The following FMN1 variants were observed in gnomAD, a reference collection of about 807,000 sequenced individuals.
FMN1 encodes the protein formin 1.
Under a neutral mutation model 132.4 loss-of-function variants are expected in FMN1, and 110 were observed. That is an observed-to-expected ratio of 0.83 (90% CI 0.71 to 0.97). The LOEUF (loss-of-function observed/expected upper bound fraction) is 0.97, where lower values mean the gene tolerates loss of function less well. Ranked by LOEUF, FMN1 falls within the 50% of genes least tolerant of loss-of-function variation. The probability of loss-of-function intolerance (pLI) is 0.00; values close to 1 mark genes in which losing one functional copy is unlikely to be tolerated. For synonymous variants in FMN1, 722 were observed against 651.7 expected (o/e 1.11, Z -1.64); for missense variants, 1,792 against 1,705.3 (o/e 1.05, Z -0.90).
intron 4 of FMN1, among the ~76,000 whole-genome samples, chr15:33,111,209 C>T (rs1032097505): frequency 6.6e-6 from 1 of 152,018 alleles, no homozygotes; most frequent in Non-Finnish European, 1.5e-5. Context: ...TGCTTTCAAC[C>T]CTACACAAGT....
intron 6 of FMN1, among the ~76,000 whole-genome samples, chr15:33,028,024 C>T (rs2035761298): frequency 6.6e-6 from 1 of 152,190 alleles, no homozygotes. Context: ...AAAATTTCTC[C>T]ATGAGCCAGC....
At chr15:33,080,455 A>T (rs1311959960) in intron 5 of FMN1, among the ~76,000 whole-genome samples, 2 of 152,196 alleles carry the variant, frequency 1.3e-5, no homozygotes, top group Admixed American at 1.3e-4. Context: ...ATGTCTGCTT[A>T]AAAGTTCCAG....
chr15:32,909,098 C>T (rs769508647), intron 11 of FMN1, among the ~76,000 whole-genome samples: 20 of 152,254 alleles, frequency 1.3e-4, no homozygotes, highest in Middle Eastern at 3.4e-3. Context: ...TCAATTTATC[C>T]AACTATTTCA....
At chr15:33,131,917 T>A (rs888740059) in intron 4 of FMN1, among the ~76,000 whole-genome samples, 2 of 152,128 alleles carry the variant, frequency 1.3e-5, no homozygotes, top group Non-Finnish European at 2.9e-5. Flanking sequence ...ATAGCACGGA[T>A]CATTATTTTT....
At chr15:32,963,349 CG>C (rs1176700952) in intron 9 of FMN1, among the ~76,000 whole-genome samples, 1 of 18,794 alleles carries the variant, frequency 5.3e-5, no homozygotes, top group Non-Finnish European at 9.5e-5. Context: ...GTTGTGGGGT[CG>C]GGGGGGTGGG....
In FMN1 at chr15:33,159,248, C is replaced by T. The variant is rs183019819; in HGVS notation, c.-131-4203G>A. On this transcript the variant is annotated intron_variant, in intron 3 of 20. Transcript: ENST00000616417. ...AGGGTCTGGTGGTTAATTGGATATG[C>T]GTGACAGGAAAGAATTTGGTTTCAT... is the stretch of plus-strand genomic sequence containing the variant. Among the ~76,000 whole-genome samples the T allele has an allele frequency of 2.2e-3, 334 of 152,006 alleles. 2 individuals carry two copies. Among genetic ancestry groups the T allele is most frequent in the African/African-American group, 7.8e-3 (322 of 41,456 alleles).
At chr15:32,875,903 C>G (rs1292373924) in intron 16 of FMN1, among the ~76,000 whole-genome samples, 4 of 152,180 alleles carry the variant, frequency 2.6e-5, no homozygotes, top group Non-Finnish European at 4.4e-5. Flanking sequence ...AGTCAAGGAC[C>G]TGAGTTCTGT....
At chr15:33,045,003 G>T (rs950017694) in intron 6 of FMN1, among the ~76,000 whole-genome samples, 1 of 152,230 alleles carries the variant, frequency 6.6e-6, no homozygotes, top group African/African-American at 2.4e-5. Context: ...GTGACAAGGA[G>T]GAGAGAAAAG....
intron 9 of FMN1, among the ~76,000 whole-genome samples, chr15:32,955,795 A>G (rs1337037272): frequency 2.0e-5 from 3 of 147,172 alleles, no homozygotes; most frequent in Non-Finnish European, 4.4e-5. Flanking sequence ...GATTTTAAAG[A>G]TGTGTGTGCG....
chr15:32,880,814 C>T lies in FMN1; in HGVS notation c.3835+7358G>A, dbSNP rs72717702. Among the ~76,000 whole-genome samples, 526 of 152,304 alleles carry T rather than the reference C, an allele frequency of 3.5e-3. 2 individuals are homozygous for T. The highest frequency in any genetic ancestry group is 9.0e-3 in the Admixed American group (138 of 15,294). On this transcript the variant is annotated intron_variant, in intron 16 of 20. Transcript: ENST00000616417. Reference sequence around the variant, plus strand: ...TCTGTTTCCTGACTGTGTGTGTAATCCATCCCCACATCCCACCTACTCCTA... The same window carrying T: ...TCTGTTTCCTGACTGTGTGTGTAATTCATCCCCACATCCCACCTACTCCTA...
chr15:33,071,337 T>A (rs1323297496), intron 5 of FMN1, among the ~76,000 whole-genome samples: 1 of 152,172 alleles, frequency 6.6e-6, no homozygotes, highest in African/African-American at 2.4e-5. Flanking sequence ...AGACACGGAA[T>A]CCTCTGGGCT....
intron 5 of FMN1, among the ~76,000 whole-genome samples, chr15:33,073,732 GTTT>G (rs763275526): frequency 1.8e-5 from 2 of 109,874 alleles, no homozygotes; most frequent in Non-Finnish European, 3.7e-5. Flanking sequence ...TACCTAGCTT[GTTT>G]TTTTTTTTTT....
At chr15:32,896,975 G>C (rs1436322330) in intron 15 of FMN1, among the ~76,000 whole-genome samples, 1 of 152,074 alleles carries the variant, frequency 6.6e-6, no homozygotes, top group African/African-American at 2.4e-5. Flanking sequence ...TTAATTTTTT[G>C]AAGAAACTCC....
intron 17 of FMN1, among the ~76,000 whole-genome samples, chr15:32,807,346 C>G (rs2057717906): frequency 6.6e-6 from 1 of 152,206 alleles, no homozygotes; most frequent in Non-Finnish European, 1.5e-5. Context: ...CCCCCATACT[C>G]TTGGCAGGAA....
At chr15:32,812,142 G>C (rs1055032925) in intron 17 of FMN1, among the ~76,000 whole-genome samples, 2 of 152,178 alleles carry the variant, frequency 1.3e-5, no homozygotes, top group African/African-American at 4.8e-5. Flanking sequence ...AAGGATTTGA[G>C]AAGCTATTTT....
chr15:33,092,134 TTGGAACC>T (rs1489216500), intron 4 of FMN1, among the ~76,000 whole-genome samples: 5 of 152,224 alleles, frequency 3.3e-5, no homozygotes, highest in African/African-American at 1.2e-4. Context: ...GTGACTTACC[TTGGAACC>T]ACTTTGAAAG....
intron 6 of FMN1, among the ~76,000 whole-genome samples, chr15:33,017,107 G>A (rs1032192352): frequency 2.6e-4 from 39 of 151,528 alleles, no homozygotes; most frequent in Non-Finnish European, 2.8e-4. Flanking sequence ...CAAAAAGGAT[G>A]AGGCCGTACC....
chr15:33,047,596 G>A (rs1236434498), intron 6 of FMN1, among the ~76,000 whole-genome samples: 1 of 152,134 alleles, frequency 6.6e-6, no homozygotes. Flanking sequence ...AAAGCAAATA[G>A]ATCCCTCTCG....
chr15:32,964,077 A>C (rs1567472655), intron 9 of FMN1, 30 bp downstream of exon 9: 1 of 1,539,520 alleles, frequency 6.5e-7, no homozygotes. Context: ...TATAATATAT[A>C]ATTACAGCTT....
Sources: allele counts gnomAD v4.1 joint callset (sites outside exome capture counted in the v4.1 genomes callset), GRCh38; gene constraint gnomAD v4.1.1; transcripts MANE v1.5; gene names NCBI Gene and HGNC (gene_info 2026-07-23, HGNC 2026-07-21).